AGBL4: variants seen among roughly 807,000 people sequenced by gnomAD.
AGBL4 encodes the protein AGBL carboxypeptidase 4, also known as cytosolic carboxypeptidase 6.
A neutral mutation model predicts 66.4 loss-of-function variants in AGBL4; 58 were observed. The observed-to-expected ratio is 0.87, with a 90% CI of 0.71 to 1.09. The LOEUF is 1.09. Among genes scored for constraint, AGBL4 ranks in the 50% least tolerant of loss-of-function variants. The pLI, the probability that AGBL4 is intolerant of heterozygous loss-of-function variation, is 0.00. For missense variants in AGBL4, 579 were observed against 631.0 expected (o/e 0.92, Z 0.88); for synonymous variants, 234 against 222.9 (o/e 1.05, Z -0.44).
At chr1:48,828,993 G>T (rs140891963) in intron 6 of AGBL4, among the ~76,000 whole-genome samples, 6 of 152,204 alleles carry the variant, frequency 3.9e-5, no homozygotes, top group Middle Eastern at 3.4e-3. Context: ...CAAAATAAAG[G>T]GTTGTTGAGA....
intron 3 of AGBL4, among the ~76,000 whole-genome samples, chr1:49,335,667 C>A (rs1398366871): frequency 6.6e-6 from 1 of 152,092 alleles, no homozygotes; most frequent in Admixed American, 6.6e-5. Context: ...AGGCACCCGC[C>A]ACCACACCCG....
At chr1:49,561,894 C>A (rs1343918910) in intron 3 of AGBL4, among the ~76,000 whole-genome samples, 1 of 152,076 alleles carries the variant, frequency 6.6e-6, no homozygotes, top group Non-Finnish European at 1.5e-5. Context: ...CTGACTTCCA[C>A]AATGGTTGAA....
intron 3 of AGBL4, among the ~76,000 whole-genome samples, chr1:49,526,120 C>A (rs915623796): frequency 6.6e-6 from 1 of 151,390 alleles, no homozygotes; most frequent in East Asian, 1.9e-4. Flanking sequence ...CAAAAAAAAA[C>A]CATTAGGCCC....
chr1:49,902,031 A>T (rs1267034492), intron 1 of AGBL4, among the ~76,000 whole-genome samples: 1 of 152,204 alleles, frequency 6.6e-6, no homozygotes, highest in Non-Finnish European at 1.5e-5. Context: ...CAAATGCAAA[A>T]ATTAACACAA....
chr1:49,540,148 G>C (rs1354043021), intron 3 of AGBL4, among the ~76,000 whole-genome samples: 1 of 152,180 alleles, frequency 6.6e-6, no homozygotes, highest in Non-Finnish European at 1.5e-5. Context: ...TAAGCAACTT[G>C]TATTAGTTAG....
chr1:48,535,076 C>T (rs931342598), intron 12 of AGBL4, among the ~76,000 whole-genome samples, 160 bp from the exon 13 acceptor site: 1 of 152,056 alleles, frequency 6.6e-6, no homozygotes, highest in Non-Finnish European at 1.5e-5. Context: ...AAGAGGGAAG[C>T]CCAGATTTGG....
chr1:49,956,415 G>A (rs904700334), intron 1 of AGBL4, among the ~76,000 whole-genome samples: 1 of 151,568 alleles, frequency 6.6e-6, no homozygotes, highest in Non-Finnish European at 1.5e-5. Context: ...AGGAAGTACA[G>A]AAAATAAAAA....
chr1:49,508,110 AC>A (rs931764308), intron 3 of AGBL4, among the ~76,000 whole-genome samples: 6 of 151,978 alleles, frequency 3.9e-5, no homozygotes. Flanking sequence ...CCAAGATTAA[AC>A]AATCAATATT....
At chr1:48,804,321 C>T (rs1645874841) in intron 6 of AGBL4, among the ~76,000 whole-genome samples, 2 of 152,194 alleles carry the variant, frequency 1.3e-5, no homozygotes, top group Non-Finnish European at 2.9e-5. Flanking sequence ...AGCATGAGCT[C>T]CCTAGCTTCA....
intron 3 of AGBL4, among the ~76,000 whole-genome samples, chr1:49,693,492 T>C (rs971421189): frequency 6.6e-6 from 1 of 152,126 alleles, no homozygotes; most frequent in Non-Finnish European, 1.5e-5. Flanking sequence ...TGAAAATGTA[T>C]ATACAGTACA....
At chr1:48,858,885 T>G (rs981771826) in intron 6 of AGBL4, among the ~76,000 whole-genome samples, 2 of 152,162 alleles carry the variant, frequency 1.3e-5, no homozygotes, top group Non-Finnish European at 2.9e-5. Context: ...ACTTTTAACT[T>G]GGTGGGAATA....
chr1:49,248,710 A>G (rs1479578049), intron 3 of AGBL4, among the ~76,000 whole-genome samples: 4 of 152,178 alleles, frequency 2.6e-5, no homozygotes, highest in Non-Finnish European at 4.4e-5. Flanking sequence ...AGAATCTGTA[A>G]GATTATATAA....
At chr1:49,652,389 T>C (rs1394048314) in intron 3 of AGBL4, among the ~76,000 whole-genome samples, 1 of 152,162 alleles carries the variant, frequency 6.6e-6, no homozygotes, top group African/African-American at 2.4e-5. Flanking sequence ...ATCATCTTGC[T>C]TTTCCCACAG....
At chr1:49,130,165 G>C (rs1310136988) in intron 4 of AGBL4, among the ~76,000 whole-genome samples, 3 of 151,956 alleles carry the variant, frequency 2.0e-5, no homozygotes, top group Non-Finnish European at 2.9e-5. Flanking sequence ...GGGGTTGTTT[G>C]TTTTTTCTTG....
intron 9 of AGBL4, among the ~76,000 whole-genome samples, chr1:48,603,499 G>T (rs1311203460): frequency 1.3e-5 from 2 of 152,066 alleles, no homozygotes; most frequent in Non-Finnish European, 2.9e-5. Context: ...GTTTAGCACA[G>T]TTGAAGAGCA....
At chr1:49,618,533 G>A (rs911205421) in intron 3 of AGBL4, among the ~76,000 whole-genome samples, 2 of 152,140 alleles carry the variant, frequency 1.3e-5, no homozygotes, top group Admixed American at 6.5e-5. Context: ...AATTCTACCA[G>A]AGGTACAAAG....
intron 3 of AGBL4, among the ~76,000 whole-genome samples, chr1:49,363,587 C>G (rs1202637149): frequency 6.6e-6 from 1 of 152,154 alleles, no homozygotes; most frequent in African/African-American, 2.4e-5. Context: ...AAGATTGCCA[C>G]TAGGGGGGAG....
chr1:49,001,408 A>G (rs1266829378), intron 5 of AGBL4, among the ~76,000 whole-genome samples: 2 of 152,208 alleles, frequency 1.3e-5, no homozygotes, highest in East Asian at 3.9e-4. Flanking sequence ...AAATGGGAAC[A>G]TTCGAATGCA....
intron 4 of AGBL4, among the ~76,000 whole-genome samples, chr1:49,133,903 A>T (rs1226426053): frequency 6.6e-6 from 1 of 152,098 alleles, no homozygotes; most frequent in East Asian, 1.9e-4. Flanking sequence ...ACCAATACAT[A>T]TGTATATATG....
Sources: allele counts gnomAD v4.1 joint callset (sites outside exome capture counted in the v4.1 genomes callset), GRCh38; gene constraint gnomAD v4.1.1; transcripts MANE v1.5; gene names NCBI Gene and HGNC (gene_info 2026-07-23, HGNC 2026-07-21).